Variants in NXPE2 observed in about 807,000 individuals in gnomAD.
The protein encoded by NXPE2 is neurexophilin and PC-esterase domain family member 2, also known as NXPE family member 2.
In NXPE2, 34 loss-of-function variants were observed where a neutral mutation model predicts 34.4. The observed-to-expected ratio is 0.99, with a 90% CI of 0.75 to 1.31. NXPE2 has a LOEUF of 1.31. Among genes scored for constraint, NXPE2 ranks in the 40% most tolerant of loss-of-function variants. The pLI, the probability that NXPE2 is intolerant of heterozygous loss-of-function variation, is 0.00. For synonymous variants in NXPE2, 235 were observed against 231.3 expected (o/e 1.02, Z -0.15); for missense variants, 649 against 672.5 (o/e 0.97, Z 0.39).
chr11:114,631,040 A>T, the NXPE2 span, among the ~76,000 whole-genome samples: 15 of 151,830 alleles, frequency 9.9e-5, no homozygotes, highest in East Asian at 2.9e-3. Flanking sequence ...GCTGGAGAGG[A>T]TGTGGAGAAA....
At chr11:114,678,683 A>G (rs1365056877) in intron 1 of NXPE2, 82 bp downstream of exon 1, 2 of 1,053,578 alleles carry the variant, frequency 1.9e-6, no homozygotes, top group Non-Finnish European at 2.9e-6. Flanking sequence ...TGTTTTTCAA[A>G]TGGTGTGATG....
At chr11:114,751,689 C>A in the NXPE2 span, among the ~76,000 whole-genome samples, 3 of 152,130 alleles carry the variant, frequency 2.0e-5, no homozygotes, top group African/African-American at 7.2e-5. Flanking sequence ...CCAAAATGTC[C>A]ATATCCTAAT....
the NXPE2 span, among the ~76,000 whole-genome samples, chr11:114,648,273 A>T: frequency 6.6e-6 from 1 of 152,090 alleles, no homozygotes; most frequent in African/African-American, 2.4e-5. Context: ...GAACCAGGAG[A>T]GCCAATGGTG....
chr11:114,775,879 C>CA, the NXPE2 span, among the ~76,000 whole-genome samples: 24,238 of 90,562 alleles, frequency 0.27, 2,383 homozygotes, highest in East Asian at 0.54. Context: ...AACAAAAAAA[C>CA]GAAAAAAAAA....
At chr11:114,528,396 T>G in the NXPE2 span, among the ~76,000 whole-genome samples, 4 of 152,180 alleles carry the variant, frequency 2.6e-5, no homozygotes, top group African/African-American at 9.7e-5. Context: ...ACCCAAGGAA[T>G]CCAGCCTTTT....
At chr11:114,581,587 G>T in the NXPE2 span, 2 of 678,278 alleles carry the variant, frequency 2.9e-6, no homozygotes, top group Non-Finnish European at 5.2e-6. Flanking sequence ...TAGGTAACTG[G>T]TGTCTTGGCC....
the NXPE2 span, among the ~76,000 whole-genome samples, chr11:114,797,329 A>AGTGGAAACCAGG: frequency 6.6e-6 from 1 of 152,206 alleles, no homozygotes; most frequent in African/African-American, 2.4e-5. Context: ...ACGAGAGTTT[A>AGTGGAAACCAGG]GTGGAAACCA....
chr11:114,585,164 C>CA, the NXPE2 span, among the ~76,000 whole-genome samples: 6 of 151,940 alleles, frequency 3.9e-5, no homozygotes, highest in East Asian at 1.2e-3. Context: ...AAAAAACTCA[C>CA]ACTGCCTGCC....
the NXPE2 span, among the ~76,000 whole-genome samples, chr11:114,780,467 C>G: frequency 2.6e-5 from 4 of 152,154 alleles, no homozygotes; most frequent in East Asian, 7.7e-4. Context: ...TTAGGAAGGT[C>G]GTGGGGTTTT....
chr11:114,523,454 T>C, the NXPE2 span, among the ~76,000 whole-genome samples: 1 of 152,210 alleles, frequency 6.6e-6, no homozygotes, highest in Non-Finnish European at 1.5e-5. Flanking sequence ...TTGGTGCCGC[T>C]GTATAAAATT....
the NXPE2 span, among the ~76,000 whole-genome samples, chr11:114,581,345 C>A: frequency 2.0e-5 from 3 of 152,096 alleles, no homozygotes; most frequent in Non-Finnish European, 2.9e-5. Flanking sequence ...GGTTGGAAAC[C>A]TCTAGATGGT....
chr11:114,626,678 C>T, the NXPE2 span, among the ~76,000 whole-genome samples: 2 of 152,218 alleles, frequency 1.3e-5, no homozygotes, highest in African/African-American at 4.8e-5. Flanking sequence ...CGGAGAATGA[C>T]TTTGATGAGC....
the NXPE2 span, among the ~76,000 whole-genome samples, chr11:114,661,528 T>A: frequency 6.6e-6 from 1 of 152,212 alleles, no homozygotes; most frequent in African/African-American, 2.4e-5. Context: ...TCAAAAGTAC[T>A]CTCCTCTGAG....
the NXPE2 span, among the ~76,000 whole-genome samples, chr11:114,811,696 T>G: frequency 6.6e-6 from 1 of 151,762 alleles, no homozygotes; most frequent in East Asian, 1.9e-4. Flanking sequence ...GACACAAGAG[T>G]ATCAGCAAGG....
the NXPE2 span, among the ~76,000 whole-genome samples, chr11:114,655,082 C>CT: frequency 6.6e-6 from 1 of 151,968 alleles, no homozygotes; most frequent in African/African-American, 2.4e-5. Context: ...TGATAATGAG[C>CT]TTTTTTTTCT....
At chr11:114,813,383 G>A in the NXPE2 span, among the ~76,000 whole-genome samples, 1 of 152,180 alleles carries the variant, frequency 6.6e-6, no homozygotes, top group Non-Finnish European at 1.5e-5. Flanking sequence ...AGGCCAGGCT[G>A]GTTTGCAAAC....
the NXPE2 span, chr11:114,522,891 T>C: frequency 1.2e-6 from 2 of 1,611,358 alleles, no homozygotes; most frequent in Admixed American, 1.7e-5. Flanking sequence ...TTTACAACTT[T>C]GGGGAAGTAG....
At chr11:114,793,628 A>G in the NXPE2 span, among the ~76,000 whole-genome samples, 1 of 152,202 alleles carries the variant, frequency 6.6e-6, no homozygotes, top group Non-Finnish European at 1.5e-5. Flanking sequence ...AGTAAACTGC[A>G]GGGATAAATT....
the NXPE2 span, among the ~76,000 whole-genome samples, chr11:114,658,604 C>G: frequency 6.6e-6 from 1 of 152,094 alleles, no homozygotes; most frequent in Admixed American, 6.5e-5. Flanking sequence ...GCAGCAAACT[C>G]TGTGACTTCA....
Sources: allele counts gnomAD v4.1 joint callset (sites outside exome capture counted in the v4.1 genomes callset), GRCh38; gene constraint gnomAD v4.1.1; transcripts MANE v1.5; gene names NCBI Gene and HGNC (gene_info 2026-07-23, HGNC 2026-07-21).